ADARB2: variants seen among roughly 807,000 people sequenced by gnomAD.
The protein encoded by ADARB2 is inactive double-stranded RNA-specific editase B2.
In ADARB2, 25 loss-of-function variants were observed where a neutral mutation model predicts 62.2. The observed-to-expected ratio is 0.40, with a 90% CI of 0.29 to 0.56. ADARB2 has a LOEUF of 0.56. Ranked by LOEUF, ADARB2 falls within the 20% of genes least tolerant of loss-of-function variation. The pLI is 0.43. For synonymous variants in ADARB2, 572 were observed against 500.8 expected (o/e 1.14, Z -1.90); for missense variants, 1,071 against 1,077.4 (o/e 0.99, Z 0.08).
At chr10:1,367,030 C>A (rs2131852740) in intron 2 of ADARB2, among the ~76,000 whole-genome samples, 1 of 152,362 alleles carries the variant, frequency 6.6e-6, no homozygotes, top group East Asian at 1.9e-4. Context: ...TGAGGCCTGG[C>A]TGGCCCAGCC....
chr10:1,703,746 A>G (rs1166276459), intron 1 of ADARB2, among the ~76,000 whole-genome samples: 1 of 152,208 alleles, frequency 6.6e-6, no homozygotes, highest in East Asian at 1.9e-4. Flanking sequence ...TGGTCATTGT[A>G]TCTGGGAGCG....
intron 3 of ADARB2, among the ~76,000 whole-genome samples, chr10:1,276,151 C>T (rs1269879311): frequency 6.6e-6 from 1 of 152,096 alleles, no homozygotes; most frequent in Non-Finnish European, 1.5e-5. Context: ...TATTTCTCCA[C>T]ATCCTCTCCA....
chr10:1,493,358 T>A (rs555388526), intron 1 of ADARB2, among the ~76,000 whole-genome samples: 12 of 152,330 alleles, frequency 7.9e-5, no homozygotes, highest in Admixed American at 7.8e-4. Flanking sequence ...TTTTGTTTAT[T>A]TCTTTGGGTA....
intron 1 of ADARB2, among the ~76,000 whole-genome samples, chr10:1,657,359 G>A (rs1180939417): frequency 6.6e-6 from 1 of 152,016 alleles, no homozygotes. Flanking sequence ...AAGAAAGCAA[G>A]GAGTAACTCA....
At chr10:1,269,628 G>C (rs1488433178) in intron 4 of ADARB2, among the ~76,000 whole-genome samples, 1 of 152,230 alleles carries the variant, frequency 6.6e-6, no homozygotes, top group East Asian at 1.9e-4. Flanking sequence ...GCTCTGTGCA[G>C]GTGGGGCTGG....
At chr10:1,531,460 T>C (rs1158251080) in intron 1 of ADARB2, among the ~76,000 whole-genome samples, 2 of 152,194 alleles carry the variant, frequency 1.3e-5, no homozygotes, top group Admixed American at 6.5e-5. Flanking sequence ...ATCTACAATA[T>C]TCCACACCAA....
At chr10:1,365,827 T>C (rs1006520987) in intron 2 of ADARB2, among the ~76,000 whole-genome samples, 8 of 152,214 alleles carry the variant, frequency 5.3e-5, no homozygotes, top group Non-Finnish European at 1.0e-4. Flanking sequence ...TGCAGCATGC[T>C]TTCACAAAAC....
intron 1 of ADARB2, among the ~76,000 whole-genome samples, chr10:1,482,558 A>G (rs1270942550): frequency 2.0e-5 from 3 of 152,234 alleles, no homozygotes; most frequent in African/African-American, 7.2e-5. Flanking sequence ...ACAGAGTTTC[A>G]GTTTGGAAGA....
chr10:1,678,315 G>T (rs530121965), intron 1 of ADARB2: 12 of 985,130 alleles, frequency 1.2e-5, no homozygotes, highest in Non-Finnish European at 1.3e-5. Flanking sequence ...CAGGGTGAGC[G>T]TCTTCAGGGT....
intron 1 of ADARB2, among the ~76,000 whole-genome samples, chr10:1,509,425 C>T (rs148342264): frequency 2.6e-5 from 4 of 152,232 alleles, no homozygotes; most frequent in Admixed American, 1.3e-4. Flanking sequence ...CTCGGGGGTT[C>T]GTCAGGCACA....
In ADARB2 at chr10:1,687,214, C is replaced by T. The variant is rs1381308826; in HGVS notation, c.100+49837G>A. On this transcript the variant is annotated intron_variant, in intron 1 of 9. Transcript: ENST00000381312. ...CTGATTTTTGTATTTTTAGCAGAAA[C>T]GGAGTTTCACCATGTTGTCCAGGCT... is the stretch of plus-strand genomic sequence containing the variant. Among the ~76,000 whole-genome samples, 5 of 152,096 alleles carry T rather than the reference C, an allele frequency of 3.3e-5. 1 individual carries two copies. Among genetic ancestry groups the T allele is most frequent in the South Asian group, 4.2e-4 (2 of 4,814 alleles).
chr10:1,482,270 T>C (rs2138688), intron 1 of ADARB2, among the ~76,000 whole-genome samples: 42,398 of 152,150 alleles, frequency 0.28, 6,337 homozygotes, highest in Middle Eastern at 0.36. Context: ...CTAGAATGGA[T>C]ATTCAATACC....
intron 1 of ADARB2, among the ~76,000 whole-genome samples, chr10:1,680,373 C>G (rs1213892135): frequency 2.0e-5 from 3 of 152,054 alleles, no homozygotes; most frequent in Admixed American, 2.0e-4. Context: ...CTGCTTCCAT[C>G]TTTGCCCATC....
At chr10:1,504,253 C>T (rs1020508348) in intron 1 of ADARB2, among the ~76,000 whole-genome samples, 2 of 152,238 alleles carry the variant, frequency 1.3e-5, no homozygotes, top group Admixed American at 6.5e-5. Flanking sequence ...ACACTGTGAG[C>T]GGGCATGCTC....
intron 1 of ADARB2, among the ~76,000 whole-genome samples, chr10:1,547,594 C>G (rs1245151719): frequency 2.0e-5 from 1 of 50,746 alleles, no homozygotes; most frequent in Non-Finnish European, 3.9e-5. Flanking sequence ...CTGTGCAAGT[C>G]TATGCACTGT....
Position 1,325,257 on chromosome 10 carries a change from C to T in ADARB2, c.1077+37771G>A, listed in dbSNP as rs113688407. Among the ~76,000 whole-genome samples the T allele has an allele frequency of 7.6e-3, 1,164 of 152,318 alleles. 14 individuals are homozygous for T. Among genetic ancestry groups the T allele is most frequent in the Non-Finnish European group, 0.013 (859 of 68,026 alleles). On this transcript the variant is annotated intron_variant, in intron 3 of 9. Transcript: ENST00000381312. ...TCCCTCCTCATGAGAACATCCCGAACGCTGGGGCCATGACAACTTCATGCC... is the reference window on the plus strand; with the variant it reads ...TCCCTCCTCATGAGAACATCCCGAATGCTGGGGCCATGACAACTTCATGCC...
chr10:1,397,064 T>C (rs80008321), intron 1 of ADARB2, among the ~76,000 whole-genome samples: 1 of 5,514 alleles, frequency 1.8e-4, no homozygotes, highest in South Asian at 0.021. Context: ...TCACCGTCCG[T>C]CTCTCCCCTC....
At chr10:1,423,535 T>G (rs1463393855) in intron 1 of ADARB2, among the ~76,000 whole-genome samples, 3 of 152,178 alleles carry the variant, frequency 2.0e-5, no homozygotes, top group African/African-American at 7.2e-5. Flanking sequence ...CCTAGTTGTC[T>G]TTGCTACCTT....
chr10:1,514,529 C>T (rs921037003), intron 1 of ADARB2, among the ~76,000 whole-genome samples: 4 of 152,242 alleles, frequency 2.6e-5, no homozygotes, highest in South Asian at 2.1e-4. Context: ...TGGCTGCCCC[C>T]ACACAGTCTG....
Sources: allele counts gnomAD v4.1 joint callset (sites outside exome capture counted in the v4.1 genomes callset), GRCh38; gene constraint gnomAD v4.1.1; transcripts MANE v1.5; gene names NCBI Gene and HGNC (gene_info 2026-07-23, HGNC 2026-07-21).